Variants in HDAC9 observed in about 807,000 individuals in gnomAD.
HDAC9 encodes the protein MEF-2 interacting transcription repressor (MITR) protein.
Under a neutral mutation model 139.4 loss-of-function variants are expected in HDAC9, and 41 were observed. That is an observed-to-expected ratio of 0.29 (90% CI 0.23 to 0.38). HDAC9 has a LOEUF of 0.38. Ranked by LOEUF, HDAC9 falls within the 10% of genes least tolerant of loss-of-function variation. The pLI is 1.00. For missense variants in HDAC9, 1,147 were observed against 1,297.0 expected (o/e 0.88, Z 1.78); for synonymous variants, 517 against 476.2 (o/e 1.09, Z -1.12).
At chr7:18,750,895 C>T (rs1030759188) in intron 14 of HDAC9, among the ~76,000 whole-genome samples, 1 of 152,182 alleles carries the variant, frequency 6.6e-6, no homozygotes, top group African/African-American at 2.4e-5. Context: ...TTCACATTCA[C>T]GTTTGTGTTA....
chr7:18,860,620 TTAAGAA>T (rs1368420053), intron 21 of HDAC9, among the ~76,000 whole-genome samples: 1 of 152,054 alleles, frequency 6.6e-6, no homozygotes, highest in Non-Finnish European at 1.5e-5. Context: ...TTCCTGTCCT[TTAAGAA>T]TAAATTGGGC....
chr7:18,684,896 A>G (rs1302483922), intron 12 of HDAC9, among the ~76,000 whole-genome samples: 1 of 152,032 alleles, frequency 6.6e-6, no homozygotes, highest in African/African-American at 2.4e-5. Context: ...GTTTTTTATC[A>G]CATCATTTCT....
chr7:18,169,597 C>A (rs185630981), intron 2 of HDAC9, among the ~76,000 whole-genome samples: 1 of 152,062 alleles, frequency 6.6e-6, no homozygotes, highest in African/African-American at 2.4e-5. Flanking sequence ...TCTCCTAATG[C>A]TATCCCTCCC....
intron 12 of HDAC9, among the ~76,000 whole-genome samples, chr7:18,706,243 G>A (rs953973468): frequency 4.5e-4 from 60 of 133,236 alleles, no homozygotes; most frequent in African/African-American, 1.0e-3. Flanking sequence ...TTTCATTTGC[G>A]TAATTAAGTT....
chr7:18,827,744 A>G (rs932895056), intron 17 of HDAC9, among the ~76,000 whole-genome samples: 1 of 152,130 alleles, frequency 6.6e-6, no homozygotes, highest in East Asian at 1.9e-4. Flanking sequence ...TGCTAATTAT[A>G]TTCTTGTATT....
At chr7:18,117,452 C>G (rs1018540880) in intron 1 of HDAC9, among the ~76,000 whole-genome samples, 2 of 150,734 alleles carry the variant, frequency 1.3e-5, no homozygotes, top group African/African-American at 4.9e-5. Flanking sequence ...CGCCACTGCA[C>G]TCCAGCCTGG....
intron 16 of HDAC9, among the ~76,000 whole-genome samples, chr7:18,782,234 G>C (rs369234783): frequency 5.3e-5 from 8 of 152,220 alleles, no homozygotes; most frequent in Admixed American, 4.6e-4. Flanking sequence ...AGGAAGGATA[G>C]TGTACCACAT....
chr7:18,595,963 A>G (rs1198769821), intron 6 of HDAC9, among the ~76,000 whole-genome samples: 1 of 152,122 alleles, frequency 6.6e-6, no homozygotes, highest in African/African-American at 2.4e-5. Context: ...CACAATTTAA[A>G]AAGAAATCCT....
chr7:18,661,851 A>C (rs987875848), intron 11 of HDAC9, among the ~76,000 whole-genome samples: 1 of 152,082 alleles, frequency 6.6e-6, no homozygotes, highest in Non-Finnish European at 1.5e-5. Context: ...AAATAGAATT[A>C]TTTCTGTATT....
At chr7:18,275,806 C>T (rs1248326152) in intron 2 of HDAC9, among the ~76,000 whole-genome samples, 1 of 152,200 alleles carries the variant, frequency 6.6e-6, no homozygotes, top group African/African-American at 2.4e-5. Flanking sequence ...GTAACACTCT[C>T]ATTCCATGCT....
At chr7:18,875,063 G>A (rs1799216962) in intron 22 of HDAC9, among the ~76,000 whole-genome samples, 1 of 152,290 alleles carries the variant, frequency 6.6e-6, no homozygotes. Flanking sequence ...CTCTGTATGT[G>A]TCTATGGGCA....
At chr7:18,954,019 A>C in intron 23 of HDAC9, 127 bp from the exon 24 acceptor site, 1 of 669,524 alleles carries the variant, frequency 1.5e-6, no homozygotes, top group South Asian at 1.8e-5. Context: ...TAATATCAGC[A>C]AAATGTTAAC....
chr7:18,547,245 T>C (rs937799700), intron 2 of HDAC9, among the ~76,000 whole-genome samples: 2 of 152,304 alleles, frequency 1.3e-5, no homozygotes, highest in East Asian at 1.9e-4. Flanking sequence ...ACTTTCTTTT[T>C]TTTTCTTTGA....
upstream of HDAC9, chr7:18,495,710 G>T: frequency 1.0e-6 from 1 of 985,220 alleles, no homozygotes; most frequent in Non-Finnish European, 1.2e-6. Context: ...ATTATCACTC[G>T]CTTTAGCCAA....
intron 2 of HDAC9, among the ~76,000 whole-genome samples, chr7:18,284,538 A>G: frequency 6.6e-6 from 1 of 152,178 alleles, no homozygotes; most frequent in Admixed American, 6.5e-5. Context: ...CCTGTATTCC[A>G]TTATAAAATC....
chr7:18,415,305 C>G (rs1346166610), intron 1 of HDAC9, among the ~76,000 whole-genome samples: 1 of 152,194 alleles, frequency 6.6e-6, no homozygotes, highest in African/African-American at 2.4e-5. Context: ...CACACTGGTA[C>G]AACTGCGCTA....
chr7:18,128,686 T>C (rs185567654), intron 1 of HDAC9, among the ~76,000 whole-genome samples: 137 of 152,008 alleles, frequency 9.0e-4, no homozygotes, highest in African/African-American at 3.2e-3. Context: ...ACAAAACAGA[T>C]GTATTCAAAA....
At chr7:18,103,852 A>ATT (rs55650987) in intron 1 of HDAC9, among the ~76,000 whole-genome samples, 123,356 of 152,020 alleles carry the variant, frequency 0.81, 50,721 homozygotes, top group East Asian at 0.95. Flanking sequence ...CTATACATAC[A>ATT]TAAGAAAGAT....
At chr7:18,129,763 C>T (rs1375385068) in intron 1 of HDAC9, among the ~76,000 whole-genome samples, 2 of 152,114 alleles carry the variant, frequency 1.3e-5, no homozygotes, top group Non-Finnish European at 2.9e-5. Context: ...AGGCACAAAA[C>T]AGATGTAAAC....
Sources: allele counts gnomAD v4.1 joint callset (sites outside exome capture counted in the v4.1 genomes callset), GRCh38; gene constraint gnomAD v4.1.1; transcripts MANE v1.5; gene names NCBI Gene and HGNC (gene_info 2026-07-23, HGNC 2026-07-21).